The following SLC44A5 variants were observed in gnomAD, a reference collection of about 807,000 sequenced individuals.
The protein encoded by SLC44A5 is choline transporter-like protein 5.
SLC44A5 carries 57 observed loss-of-function variants against 101.8 expected under a neutral mutation model. The observed-to-expected ratio is 0.56, with a 90% confidence interval of 0.45 to 0.70. The LOEUF is 0.70. Ranked by LOEUF, SLC44A5 falls within the 30% of genes least tolerant of loss-of-function variation. The pLI, the probability that SLC44A5 is intolerant of heterozygous loss-of-function variation, is 0.00. For synonymous variants in SLC44A5, 281 were observed against 290.9 expected (o/e 0.97, Z 0.35); for missense variants, 737 against 853.1 (o/e 0.86, Z 1.70).
intron 2 of SLC44A5, among the ~76,000 whole-genome samples, chr1:75,530,561 C>T (rs1469649028): frequency 1.3e-5 from 2 of 152,164 alleles, no homozygotes; most frequent in Non-Finnish European, 2.9e-5. Context: ...TATGTCTGTT[C>T]ATGTGCTTCT....
rs543638523 is a variant in SLC44A5 at position 75,363,702 on chromosome 1, T to C, written c.53-24072A>G. On this transcript the variant is annotated intron_variant, in intron 3 of 23. Transcript: ENST00000370859. Reference sequence around the variant, plus strand: ...TCTCATATTAGAGATAAAATTGCTTTCCACATCACCCTTACAATATCAGAA... The same window carrying C: ...TCTCATATTAGAGATAAAATTGCTTCCCACATCACCCTTACAATATCAGAA... 1.4e-3 allele frequency among the ~76,000 whole-genome samples: 214 copies of C among 152,330 alleles called. 1 individual carries two copies. Among genetic ancestry groups the C allele is most frequent in the African/African-American group, 4.7e-3 (194 of 41,584 alleles).
At chr1:75,279,851 A>G (rs944664910) in intron 5 of SLC44A5, among the ~76,000 whole-genome samples, 2 of 151,820 alleles carry the variant, frequency 1.3e-5, no homozygotes, top group East Asian at 3.9e-4. Flanking sequence ...ATTTTGGTGC[A>G]CCTGAGCAGT....
upstream of SLC44A5, among the ~76,000 whole-genome samples, chr1:75,613,311 G>A (rs1675736667): frequency 6.6e-6 from 1 of 152,176 alleles, no homozygotes; most frequent in Admixed American, 6.5e-5. Context: ...TTTCCTACCA[G>A]GCAGTCCCAG....
intron 2 of SLC44A5, among the ~76,000 whole-genome samples, chr1:75,507,874 A>G (rs1320578519): frequency 6.6e-6 from 1 of 152,198 alleles, no homozygotes; most frequent in Non-Finnish European, 1.5e-5. Flanking sequence ...CCAGATTCAC[A>G]AAACAAGTAC....
chr1:75,505,606 G>A (rs1453552162), intron 2 of SLC44A5, among the ~76,000 whole-genome samples: 2 of 152,018 alleles, frequency 1.3e-5, no homozygotes, highest in African/African-American at 4.8e-5. Flanking sequence ...GATGATTAAC[G>A]GTATGGAGCA....
intron 2 of SLC44A5, chr1:75,522,232 T>G (rs1382225040): frequency 6.6e-6 from 1 of 152,146 alleles, no homozygotes; most frequent in African/African-American, 2.4e-5. Context: ...TTCTTAATGT[T>G]TTGAGCAAAC....
chr1:75,633,946 G>C, the SLC44A5 span, among the ~76,000 whole-genome samples: 1 of 140,352 alleles, frequency 7.1e-6, no homozygotes, highest in South Asian at 2.2e-4. Flanking sequence ...GTTGAATTTT[G>C]TCAAAGGCCT....
intron 23 of SLC44A5, among the ~76,000 whole-genome samples, chr1:75,207,745 G>A (rs1430766039): frequency 2.0e-5 from 3 of 152,008 alleles, no homozygotes; most frequent in Non-Finnish European, 4.4e-5. Flanking sequence ...TTCACTTTCT[G>A]TGGTTTTAGT....
chr1:75,581,677 C>A (rs934831307), intron 1 of SLC44A5, among the ~76,000 whole-genome samples: 2 of 152,152 alleles, frequency 1.3e-5, no homozygotes, highest in African/African-American at 4.8e-5. Context: ...GAGGTGGGGC[C>A]TAATGGGAAG....
chr1:75,363,257 C>T (rs77610633), intron 3 of SLC44A5, among the ~76,000 whole-genome samples: 321 of 152,038 alleles, frequency 2.1e-3, no homozygotes, highest in Non-Finnish European at 3.6e-3. Context: ...CCCAACCAGT[C>T]ATTCTGTCTT....
intron 5 of SLC44A5, among the ~76,000 whole-genome samples, chr1:75,297,427 G>A (rs1654050859): frequency 6.6e-6 from 1 of 152,088 alleles, no homozygotes; most frequent in Non-Finnish European, 1.5e-5. Flanking sequence ...TGAGACTACA[G>A]GAGCACACCA....
chr1:75,230,686 G>A (rs1223459401), intron 12 of SLC44A5, among the ~76,000 whole-genome samples: 1 of 151,266 alleles, frequency 6.6e-6, no homozygotes. Context: ...GCATGATCTC[G>A]GTTCACTGCA....
chr1:75,582,629 A>G, intron 1 of SLC44A5: 1 of 246,976 alleles, frequency 4.0e-6, no homozygotes, highest in Non-Finnish European at 7.7e-6. Flanking sequence ...CCGTCTGCAT[A>G]GGGCTGGTGT....
At chr1:75,234,995 T>C (rs976048) in intron 11 of SLC44A5, among the ~76,000 whole-genome samples, 42,827 of 151,820 alleles carry the variant, frequency 0.28, 6,349 homozygotes, top group Middle Eastern at 0.36. Flanking sequence ...ACAGACAGAG[T>C]GTAGTACATT....
chr1:75,588,192 G>A (rs1385126272), intron 1 of SLC44A5, among the ~76,000 whole-genome samples: 1 of 140,716 alleles, frequency 7.1e-6, no homozygotes, highest in Admixed American at 7.6e-5. Flanking sequence ...GGAGTTAGGA[G>A]AAGGAAAGAA....
At position 75,381,982 on chromosome 1, in the gene SLC44A5, T is replaced by G. The variant is rs1173697192; in HGVS notation, c.52+14601A>C. On this transcript the variant is annotated intron_variant, in intron 3 of 23. Coordinates refer to ENST00000370859, the MANE Select transcript of SLC44A5 (RefSeq NM_001130058.2). ...TTCTACAAGATTGTGGAATTCACAATCTAGTATTGATCAAAAATTGGCAAA... is the reference window on the plus strand; with the variant it reads ...TTCTACAAGATTGTGGAATTCACAAGCTAGTATTGATCAAAAATTGGCAAA... Among the ~76,000 whole-genome samples, 2 of 77,094 alleles carry G rather than the reference T, an allele frequency of 2.6e-5. 1 individual carries two copies. Among genetic ancestry groups the G allele is most frequent in the Non-Finnish European group, 4.4e-5 (2 of 45,602 alleles). 50.6% of individuals were successfully genotyped at this position (77,094 alleles called of 152,430 possible). A position where few individuals can be genotyped will look rare whatever the true frequency, so the allele number is the denominator to read the frequency against.
the SLC44A5 span, among the ~76,000 whole-genome samples, chr1:75,673,619 G>A: frequency 6.6e-6 from 1 of 152,190 alleles, no homozygotes; most frequent in Non-Finnish European, 1.5e-5. Context: ...GCAAGACCCA[G>A]TGCTGTGTTG....
At chr1:75,676,320 A>G in the SLC44A5 span, among the ~76,000 whole-genome samples, 138,015 of 152,216 alleles carry the variant, frequency 0.91, 62,773 homozygotes, top group Middle Eastern at 0.94. Flanking sequence ...TGATAGACTC[A>G]ATAAAGAAAA....
chr1:75,506,115 C>T (rs1669239654), intron 2 of SLC44A5, among the ~76,000 whole-genome samples: 1 of 152,122 alleles, frequency 6.6e-6, no homozygotes. Flanking sequence ...GAAGTCCTTT[C>T]CCCATTGCTT....
Sources: gnomAD v4.1 joint callset for allele counts (sites outside exome capture counted in the v4.1 genomes callset) on GRCh38, gnomAD v4.1.1 for gene constraint, MANE v1.5 for transcripts, NCBI Gene and HGNC (gene_info 2026-07-23, HGNC 2026-07-21) for gene names.